Variants in RARB observed in about 807,000 individuals in gnomAD.
RARB encodes HBV-activated protein.
Under a neutral mutation model 51.9 loss-of-function variants are expected in RARB, and 17 were observed. That is an observed-to-expected ratio of 0.33 (90% CI 0.22 to 0.49). The LOEUF (loss-of-function observed/expected upper bound fraction) is 0.49. RARB is among the 20% of genes least tolerant of loss of function. RARB has a pLI of 0.99. For missense variants in RARB, 369 were observed against 550.8 expected, an observed-to-expected ratio of 0.67 and a Z score of 3.30; for synonymous variants, 215 against 195.4, an observed-to-expected ratio of 1.10 and a Z score of -0.84.
At chr3:24,933,281 C>T (rs1695479676) in intron 2 of RARB, among the ~76,000 whole-genome samples, 1 of 146,022 alleles carries the variant, frequency 6.8e-6, no homozygotes, top group Admixed American at 6.7e-5. Context: ...TTTCACTATA[C>T]ATTTTTTTTT....
At chr3:24,944,310 C>G (rs1304880844) in intron 2 of RARB, among the ~76,000 whole-genome samples, 1 of 152,188 alleles carries the variant, frequency 6.6e-6, no homozygotes, top group Non-Finnish European at 1.5e-5. Context: ...GTCTCAAGCA[C>G]AGAGTCCAGT....
chr3:25,030,974 C>G (rs1697861634), intron 2 of RARB, among the ~76,000 whole-genome samples: 1 of 152,194 alleles, frequency 6.6e-6, no homozygotes, highest in Non-Finnish European at 1.5e-5. Context: ...GCTGCTCCTT[C>G]ACCTTCTACT....
At chr3:25,325,008 TGAA>T (rs1424501578) in intron 5 of RARB, among the ~76,000 whole-genome samples, 2 of 152,094 alleles carry the variant, frequency 1.3e-5, no homozygotes, top group African/African-American at 4.8e-5. Context: ...TATTAGGAAG[TGAA>T]GAAACAAAAG....
At chr3:25,141,807 C>T (rs1700111669) in intron 4 of RARB, among the ~76,000 whole-genome samples, 1 of 152,058 alleles carries the variant, frequency 6.6e-6, no homozygotes, top group Non-Finnish European at 1.5e-5. Context: ...TAAAATGAAG[C>T]TACTTTTATA....
intron 5 of RARB, among the ~76,000 whole-genome samples, chr3:25,185,834 G>A (rs777319034): frequency 3.2e-4 from 48 of 152,108 alleles, no homozygotes; most frequent in Middle Eastern, 3.4e-3. Context: ...CAAAGAATTC[G>A]TATGCCACTA....
chr3:25,024,592 A>C (rs1323907427), intron 2 of RARB, among the ~76,000 whole-genome samples: 1 of 152,202 alleles, frequency 6.6e-6, no homozygotes, highest in Non-Finnish European at 1.5e-5. Flanking sequence ...TAAATATAAG[A>C]GGTAGTCCAT....
chr3:25,345,246 G>C (rs1212339505), intron 5 of RARB, among the ~76,000 whole-genome samples: 1 of 152,104 alleles, frequency 6.6e-6, no homozygotes, highest in Non-Finnish European at 1.5e-5. Context: ...TTTTTTGTTT[G>C]TTTGTTTGTT....
chr3:25,239,048 T>C (rs1559518598), intron 5 of RARB, among the ~76,000 whole-genome samples: 2 of 152,216 alleles, frequency 1.3e-5, no homozygotes. Context: ...TGTATTTCCC[T>C]GATGATTAGT....
chr3:25,258,955 C>T, intron 5 of RARB: 1 of 836,036 alleles, frequency 1.2e-6, no homozygotes, highest in African/African-American at 1.9e-5. Flanking sequence ...AACACCACCA[C>T]ACTGGGGACC....
At chr3:25,509,717 A>T (rs961836405) in intron 3 of RARB, among the ~76,000 whole-genome samples, 2 of 152,144 alleles carry the variant, frequency 1.3e-5, no homozygotes, top group African/African-American at 4.8e-5. Flanking sequence ...GGTGTTAGAA[A>T]GGACGCCTGG....
chr3:25,193,900 T>C (rs1316340604), intron 5 of RARB, among the ~76,000 whole-genome samples: 1 of 46,152 alleles, frequency 2.2e-5, no homozygotes, highest in African/African-American at 7.3e-5. Context: ...AAATTGTATA[T>C]GTAATTAATC....
intron 4 of RARB, among the ~76,000 whole-genome samples, chr3:25,135,054 CT>C (rs11455739): frequency 1.8e-3 from 260 of 143,248 alleles, no homozygotes; most frequent in Middle Eastern, 7.3e-3. Flanking sequence ...TTCCTTTTCC[CT>C]TTTTTTTTTT....
At chr3:25,109,043 A>T (rs930736353) in intron 3 of RARB, among the ~76,000 whole-genome samples, 2 of 152,190 alleles carry the variant, frequency 1.3e-5, no homozygotes, top group African/African-American at 2.4e-5. Context: ...TGGATGTGAT[A>T]CCTAGCCTTT....
At chr3:25,121,162 G>T (rs941492797) in intron 3 of RARB, among the ~76,000 whole-genome samples, 1 of 152,152 alleles carries the variant, frequency 6.6e-6, no homozygotes, top group Admixed American at 6.6e-5. Flanking sequence ...ATACTGGAAA[G>T]ATCATTTCTG....
chr3:25,367,210 A>G (rs11707139), intron 5 of RARB, among the ~76,000 whole-genome samples: 13 of 152,294 alleles, frequency 8.5e-5, no homozygotes, highest in African/African-American at 2.4e-4. Flanking sequence ...TGGGTTTTCA[A>G]TGTTGGTACA....
Position 25,047,860 on chromosome 3 carries a change from C to T in RARB, c.-379-12265C>T, listed in dbSNP as rs1472181798. Among the ~76,000 whole-genome samples, 3 of 152,172 alleles carry T rather than the reference C, an allele frequency of 2.0e-5. No homozygotes were observed. The South Asian group carries it at 6.2e-4, about 32-fold the overall frequency. On this transcript the variant is annotated intron_variant, in intron 2 of 11. Transcript: ENST00000383772. ...TGGTTTTCTGTGTCCCCACCCAAAT[C>T]TCACACCTTGAATTGTAATAATCCC...
chr3:25,450,058 GCT>G (rs1192148874), intron 1 of RARB, among the ~76,000 whole-genome samples: 1 of 152,126 alleles, frequency 6.6e-6, no homozygotes, highest in Admixed American at 6.5e-5. Flanking sequence ...GCCAAGACTA[GCT>G]CTCTTATTGG....
intron 3 of RARB, among the ~76,000 whole-genome samples, chr3:25,095,249 C>T (rs1243016705): frequency 1.3e-5 from 2 of 152,312 alleles, no homozygotes; most frequent in Middle Eastern, 3.4e-3. Context: ...TCAGGTGATA[C>T]TGATATGCAG....
chr3:24,907,432 G>A (rs1045079632), intron 2 of RARB, among the ~76,000 whole-genome samples: 4 of 152,170 alleles, frequency 2.6e-5, no homozygotes, highest in Admixed American at 6.5e-5. Flanking sequence ...AAGAGCTAAA[G>A]GGATATAGGG....
Sources: allele counts gnomAD v4.1 joint callset (sites outside exome capture counted in the v4.1 genomes callset), GRCh38; gene constraint gnomAD v4.1.1; transcripts MANE v1.5; gene names NCBI Gene and HGNC (gene_info 2026-07-23, HGNC 2026-07-21).